CHRM3: variants seen among roughly 807,000 people sequenced by gnomAD.
CHRM3 encodes muscarinic acetylcholine receptor M3.
A neutral mutation model predicts 41.8 loss-of-function variants in CHRM3; 11 were observed. The ratio of observed to expected loss-of-function variants is 0.26; its 90% CI spans 0.17 to 0.44. CHRM3 has a LOEUF of 0.44. Among genes scored for constraint, CHRM3 ranks in the 20% least tolerant of loss-of-function variants. The probability of loss-of-function intolerance (pLI) is 1.00; values close to 1 mark genes in which losing one functional copy is unlikely to be tolerated. For synonymous variants in CHRM3, 297 were observed against 301.4 expected (o/e 0.99, Z 0.15); for missense variants, 571 against 745.4 (o/e 0.77, Z 2.72).
At chr1:239,563,840 T>G (rs916513317) in intron 3 of CHRM3, among the ~76,000 whole-genome samples, 6 of 152,114 alleles carry the variant, frequency 3.9e-5, no homozygotes, top group Non-Finnish European at 8.8e-5. Context: ...CAGGATCACA[T>G]GAAATAAGAG....
intron 5 of CHRM3, among the ~76,000 whole-genome samples, chr1:239,759,159 TTTTTTTTTTG>T (rs1190955771): frequency 5.2e-5 from 7 of 134,010 alleles, no homozygotes; most frequent in African/African-American, 2.2e-4. Context: ...CTTTATGGGT[TTTTTTTTTTG>T]TTTTTTTTTT....
chr1:239,466,671 C>T (rs1371809668), intron 1 of CHRM3, among the ~76,000 whole-genome samples: 1 of 151,830 alleles, frequency 6.6e-6, no homozygotes, highest in African/African-American at 2.4e-5. Context: ...GCTATGTTGT[C>T]CAGGCTGGTC....
chr1:239,499,444 A>G (rs1668084746), intron 2 of CHRM3, among the ~76,000 whole-genome samples: 1 of 152,182 alleles, frequency 6.6e-6, no homozygotes, highest in African/African-American at 2.4e-5. Context: ...AAGACTGTTG[A>G]GATAAGCAAG....
chr1:239,796,498 A>C (rs898968561), intron 5 of CHRM3, among the ~76,000 whole-genome samples: 1 of 152,174 alleles, frequency 6.6e-6, no homozygotes, highest in African/African-American at 2.4e-5. Context: ...ATGAATGGGA[A>C]CTGAAAATCA....
Position 239,496,726 on chromosome 1 carries a change from G to T in CHRM3, c.-422+3919G>T, listed in dbSNP as rs1667912957. ...TTAATGTATATACCATATGTATACAGTCTGAAGGTTTTTAAAAAGAATTTT... is the reference window on the plus strand; with the variant it reads ...TTAATGTATATACCATATGTATACATTCTGAAGGTTTTTAAAAAGAATTTT... On this transcript the variant is annotated intron_variant, in intron 2 of 6. Coordinates refer to ENST00000676153, the MANE Select transcript of CHRM3 (RefSeq NM_001375978.1). 2.6e-5 allele frequency among the ~76,000 whole-genome samples: 4 copies of T among 151,988 alleles called. No homozygotes were observed. In the South Asian group the frequency reaches 6.2e-4, roughly 24 times the overall value.
In CHRM3 at chr1:239,536,347, C is replaced by A. The variant is rs187567467; in HGVS notation, c.-421-9294C>A. ...GTACTCTCTTGGCTACAGTCATCCT[C>A]CTCCTGTTGCAAACAATCTCTATGG... On this transcript the variant is annotated intron_variant, in intron 2 of 6. Coordinates refer to ENST00000676153, the MANE Select transcript of CHRM3 (RefSeq NM_001375978.1). 1.6e-4 allele frequency among the ~76,000 whole-genome samples: 25 copies of A among 152,306 alleles called. No homozygotes were observed. In the East Asian group the frequency reaches 4.6e-3, roughly 28 times the overall value.
At chr1:239,572,976 C>T (rs1485868410) in intron 3 of CHRM3, among the ~76,000 whole-genome samples, 1 of 152,184 alleles carries the variant, frequency 6.6e-6, no homozygotes, top group East Asian at 1.9e-4. Flanking sequence ...GTTCTCACCT[C>T]ATCTTCACTT....
At chr1:239,848,768 T>C (rs1388715749) in intron 6 of CHRM3, among the ~76,000 whole-genome samples, 1 of 152,208 alleles carries the variant, frequency 6.6e-6, no homozygotes, top group Non-Finnish European at 1.5e-5. Context: ...TATCTGTTCA[T>C]GTATGACAAA....
At chr1:239,520,370 C>T (rs1458877460) in intron 2 of CHRM3, among the ~76,000 whole-genome samples, 2 of 152,146 alleles carry the variant, frequency 1.3e-5, no homozygotes, top group Admixed American at 1.3e-4. Flanking sequence ...GCGGATTTCT[C>T]ATGAATCGTT....
At chr1:239,425,737 T>C (rs1160801756) in intron 1 of CHRM3, among the ~76,000 whole-genome samples, 1 of 152,186 alleles carries the variant, frequency 6.6e-6, no homozygotes, top group Non-Finnish European at 1.5e-5. Flanking sequence ...ATCATCAGGT[T>C]CTGATGATGC....
intron 5 of CHRM3, chr1:239,718,682 A>G (rs1662637965): frequency 6.6e-6 from 1 of 151,954 alleles, no homozygotes; most frequent in South Asian, 2.1e-4. Flanking sequence ...GATTAGTAAA[A>G]ATAAGAAGTG....
At chr1:239,859,665 C>T (rs1381160549) in intron 6 of CHRM3, among the ~76,000 whole-genome samples, 1 of 151,478 alleles carries the variant, frequency 6.6e-6, no homozygotes, top group Non-Finnish European at 1.5e-5. Flanking sequence ...ATCCGCCTGC[C>T]TCAGCCTCCC....
chr1:239,859,151 C>G (rs569011819), intron 6 of CHRM3, among the ~76,000 whole-genome samples: 2 of 152,154 alleles, frequency 1.3e-5, no homozygotes, highest in Non-Finnish European at 2.9e-5. Flanking sequence ...TACGTTTAAC[C>G]ATTAAAATAA....
intron 2 of CHRM3, among the ~76,000 whole-genome samples, chr1:239,513,103 A>G (rs1018745753): frequency 6.6e-6 from 1 of 152,196 alleles, no homozygotes; most frequent in African/African-American, 2.4e-5. Context: ...CGGTATTGGT[A>G]TTAGGCCAAT....
Position 239,893,331 on chromosome 1 carries a change from A to G in CHRM3, c.-19-14102A>G, listed in dbSNP as rs1572615147. ...GCATGGGAATGAGAGAGGCAAGGGCAAGAGGACTGAGTTTCTGCTTTATAA... is the reference window on the plus strand; with the variant it reads ...GCATGGGAATGAGAGAGGCAAGGGCGAGAGGACTGAGTTTCTGCTTTATAA... On this transcript the variant is annotated intron_variant, in intron 6 of 6. Transcript: ENST00000676153. 1.3e-5 allele frequency among the ~76,000 whole-genome samples: 2 copies of G among 152,364 alleles called. 1 individual carries two copies. The highest frequency in any genetic ancestry group is 6.8e-3 in the Middle Eastern group (2 of 294).
chr1:239,822,924 G>A (rs1016342443), intron 5 of CHRM3, among the ~76,000 whole-genome samples: 2 of 152,138 alleles, frequency 1.3e-5, no homozygotes, highest in Non-Finnish European at 2.9e-5. Context: ...CCCAAATCCA[G>A]CACTTGTAAT....
At chr1:239,430,363 T>G (rs113538924) in intron 1 of CHRM3, among the ~76,000 whole-genome samples, 1,524 of 152,186 alleles carry the variant, frequency 0.01, 27 homozygotes, top group African/African-American at 0.035. Context: ...GATTCCAGAT[T>G]AACTAAATAG....
chr1:239,723,584 C>T (rs1163481505), intron 5 of CHRM3, among the ~76,000 whole-genome samples: 1 of 151,842 alleles, frequency 6.6e-6, no homozygotes, highest in Non-Finnish European at 1.5e-5. Context: ...ATAATTGCTG[C>T]CATATATCGA....
chr1:239,859,569 G>A (rs1309458737), intron 6 of CHRM3, among the ~76,000 whole-genome samples: 3 of 150,820 alleles, frequency 2.0e-5, no homozygotes, highest in East Asian at 2.0e-4. Flanking sequence ...CATGCACTAC[G>A]ATGCTCAGCT....
Sources: gnomAD v4.1 joint callset for allele counts (sites outside exome capture counted in the v4.1 genomes callset) on GRCh38, gnomAD v4.1.1 for gene constraint, MANE v1.5 for transcripts, NCBI Gene and HGNC (gene_info 2026-07-23, HGNC 2026-07-21) for gene names.